The following BICRA variants were observed in gnomAD, a reference collection of about 807,000 sequenced individuals.
The protein encoded by BICRA is BRD4 interacting chromatin remodeling complex associated protein.
BICRA carries 31 observed loss-of-function variants against 96.9 expected under a neutral mutation model. That is an observed-to-expected ratio of 0.32 (90% CI 0.24 to 0.43). The LOEUF (loss-of-function observed/expected upper bound fraction) is 0.43, where lower values mean the gene tolerates loss of function less well. BICRA is among the 20% of genes least tolerant of loss of function. The pLI, the probability that BICRA is intolerant of heterozygous loss-of-function variation, is 1.00. For synonymous variants in BICRA, 1,350 were observed against 1,071.8 expected, an observed-to-expected ratio of 1.26 and a Z score of -5.07; for missense variants, 2,283 against 2,190.3, an observed-to-expected ratio of 1.04 and a Z score of -0.84.
At chr19:47,631,014 T>G (rs933194945) in intron 1 of BICRA, among the ~76,000 whole-genome samples, 1 of 152,186 alleles carries the variant, frequency 6.6e-6, no homozygotes, top group African/African-American at 2.4e-5. Flanking sequence ...TGCTCAAATG[T>G]CACGTGAAGC....
chr19:47,658,811 A>G (rs1972661467), intron 1 of BICRA, among the ~76,000 whole-genome samples: 1 of 152,020 alleles, frequency 6.6e-6, no homozygotes, highest in Admixed American at 6.6e-5. Flanking sequence ...GTGGTCTACA[A>G]ACCCGTGCGC....
At chr19:47,696,293 A>T (rs1973340993) in intron 10 of BICRA, among the ~76,000 whole-genome samples, 158 bp from the exon 11 acceptor site, 1 of 152,126 alleles carries the variant, frequency 6.6e-6, no homozygotes, top group South Asian at 2.1e-4. Flanking sequence ...CCTGGGGTTC[A>T]TTGTGATGGG....
intron 7 of BICRA, among the ~76,000 whole-genome samples, chr19:47,683,890 C>CT (rs1973105325): frequency 6.6e-6 from 1 of 152,152 alleles, no homozygotes; most frequent in African/African-American, 2.4e-5. Context: ...GGCCTACCTT[C>CT]TTATTCTAGA....
In BICRA at chr19:47,695,039, C is replaced by A; in HGVS notation, c.3035C>A (p.Ala1012Asp). Reference protein sequence around the residue: ...SGQAPSGTPTAPSHAPAPAPM... With the variant: ...SGQAPSGTPTDPSHAPAPAPM... ...CAGGCCCCATCTGGGACCCCCACTG[C>A]CCCCAGCCACGCCCCCGCCCCGGCA... is the stretch of plus-strand genomic sequence containing the variant. The change falls in exon 9 of 15, where the codon GCC (alanine) becomes GAC (aspartate). Residue 1012 changes from alanine to aspartate, a missense_variant. By Grantham distance (126) the Ala-to-Asp change is moderately radical. Transcript: ENST00000594866. 2.7e-6 allele frequency: 4 copies of A among 1,498,762 alleles called. No individual in the cohort carries two copies. The highest frequency in any genetic ancestry group is 3.5e-6 in the Non-Finnish European group (4 of 1,133,512). The allele number at this position is 1,498,762 out of a possible 1,614,324, so 92.8% of individuals were successfully genotyped here. A position where few individuals can be genotyped will look rare whatever the true frequency, so the allele number is the denominator to read the frequency against.
chr19:47,650,297 A>G (rs1972522749), intron 1 of BICRA, among the ~76,000 whole-genome samples: 1 of 151,986 alleles, frequency 6.6e-6, no homozygotes, highest in Non-Finnish European at 1.5e-5. Context: ...CACCCCGGCT[A>G]ATTTTTTGTA....
At position 47,698,816 on chromosome 19, in the gene BICRA, C is replaced by T; in HGVS notation, c.3397+34C>T. 1 of 1,538,054 alleles carries T rather than the reference C, an allele frequency of 6.5e-7. No homozygotes were observed. The highest frequency in any genetic ancestry group is 8.9e-7 in the Non-Finnish European group (1 of 1,129,586). ...TCCCCAGGACACGGCCCTATATGTC[C>T]CAGGGGACCCCAGCCCGTGGGGCGG... is the stretch of plus-strand genomic sequence containing the variant. On this transcript the variant is annotated intron_variant, in intron 12 of 14. Transcript: ENST00000594866. This position sits in a 1 kb window ranked among gnomAD's most constrained non-coding sequence, Gnocchi z 4.8.
chr19:47,684,590 G>T (rs1469044594), intron 7 of BICRA, among the ~76,000 whole-genome samples: 1 of 152,196 alleles, frequency 6.6e-6, no homozygotes, highest in African/African-American at 2.4e-5. Context: ...AGAGTGCTGG[G>T]ATGACAGGTG....
intron 1 of BICRA, among the ~76,000 whole-genome samples, chr19:47,627,738 G>C (rs573230555): frequency 6.6e-6 from 1 of 152,154 alleles, no homozygotes; most frequent in Non-Finnish European, 1.5e-5. Context: ...TGCCTACCGA[G>C]TAGGATGAGT....
chr19:47,640,363 C>G (rs1363053585), intron 1 of BICRA, among the ~76,000 whole-genome samples: 1 of 151,964 alleles, frequency 6.6e-6, no homozygotes, highest in Non-Finnish European at 1.5e-5. Flanking sequence ...AAAAATCTCT[C>G]TACTAAAAAT....
intron 1 of BICRA, among the ~76,000 whole-genome samples, chr19:47,634,831 C>T (rs902726917): frequency 2.1e-5 from 3 of 144,026 alleles, no homozygotes; most frequent in Admixed American, 7.1e-5. Flanking sequence ...GGCGCGATCT[C>T]GGCTCACTGC....
chr19:47,677,728 A>G (rs919980198), intron 5 of BICRA, among the ~76,000 whole-genome samples: 12 of 152,144 alleles, frequency 7.9e-5, no homozygotes, highest in Non-Finnish European at 1.8e-4. Flanking sequence ...AAAGCATTGA[A>G]CTCACAGTGC....
At chr19:47,655,333 C>G (rs1972598463) in intron 1 of BICRA, among the ~76,000 whole-genome samples, 1 of 151,536 alleles carries the variant, frequency 6.6e-6, no homozygotes, top group African/African-American at 2.4e-5. Context: ...CGAGACCAGC[C>G]TGGCCAACAT....
chr19:47,702,305 C>G lies in BICRA; in HGVS notation c.4573C>G (p.His1525Asp), dbSNP rs769722568. 6 of 1,580,622 alleles carry G rather than the reference C, an allele frequency of 3.8e-6. No homozygotes were observed. Among genetic ancestry groups the G allele is most frequent in the Middle Eastern group, 1.8e-4 (1 of 5,552 alleles). ...PGRTPAPSYPHAASAGTPASP... is the reference protein window; with the variant it reads ...PGRTPAPSYPDAASAGTPASP... ...CCGGACGCCCGCGCCCTCGTACCCC[C>G]ACGCTGCCTCGGCCGGCACCCCCGC... The change falls in exon 15 of 15, where the codon CAC (histidine) becomes GAC (aspartate). Residue 1525 changes from histidine (H) to aspartate (D), a missense_variant. His to Asp is a moderately conservative substitution (Grantham distance 81). Coordinates refer to ENST00000594866, the MANE Select transcript of BICRA (RefSeq NM_001394372.1).
Position 47,681,256 on chromosome 19 carries a change from C to T in BICRA, c.2086C>T (p.Leu696=), listed in dbSNP as rs763397257. 9.7e-6 allele frequency: 15 copies of T among 1,539,912 alleles called. No homozygotes were observed. Among genetic ancestry groups the T allele is most frequent in the African/African-American group, 9.5e-5 (7 of 73,488 alleles). The change falls in exon 6 of 15, where the codon CTG becomes TTG. Residue 696 remains leucine, a synonymous_variant. Transcript: ENST00000594866. Reference sequence around the variant, plus strand: ...CACGGCCATCCTCACTCAGGACTCCCTGCAGATGTTCCTGCCCCAGGTAAG... The same window carrying T: ...CACGGCCATCCTCACTCAGGACTCCTTGCAGATGTTCCTGCCCCAGGTAAG... ...TPTAILTQDS[L]QMFLPQERSQ... is the part of the protein sequence containing the mutation.
intron 1 of BICRA, among the ~76,000 whole-genome samples, chr19:47,653,848 T>C (rs1029299704): frequency 2.0e-5 from 3 of 152,220 alleles, no homozygotes; most frequent in African/African-American, 7.2e-5. Context: ...TTTTGTTTTT[T>C]TGAAACTGAG....
chr19:47,680,577 G>A lies in BICRA; in HGVS notation c.1407G>A (p.Gln469=). The A allele has an allele frequency of 6.2e-7, 1 of 1,606,510 alleles. No homozygotes were observed. Reference sequence around the variant, plus strand: ...CCGCCCAGCACATGCTGCCGGGCCAGAACCAGTTCCTACTGCCTGGCGCCC... The same window carrying A: ...CCGCCCAGCACATGCTGCCGGGCCAAAACCAGTTCCTACTGCCTGGCGCCC... ...VIPAQHMLPG[Q]NQFLLPGAPA... Residue 469 remains glutamine (Q), a synonymous_variant, in exon 6 of 15, where the codon CAG becomes CAA. Coordinates refer to ENST00000594866, the MANE Select transcript of BICRA (RefSeq NM_001394372.1).
In BICRA at chr19:47,655,564, C is replaced by T. The variant is rs534082796; in HGVS notation, c.-107-14879C>T. On this transcript the variant is annotated intron_variant, in intron 1 of 14. Coordinates refer to ENST00000594866, the MANE Select transcript of BICRA (RefSeq NM_001394372.1). ...AAAAAAAAAATTAGTAAAATGTCCC[C>T]GGTTTAGGACAGGTGCAGTGGCTCA... Among the ~76,000 whole-genome samples the T allele has an allele frequency of 5.3e-5, 8 of 149,962 alleles. 1 individual carries two copies. The highest frequency in any genetic ancestry group is 2.1e-4 in the South Asian group (1 of 4,730).
chr19:47,641,047 C>T (rs910933067), intron 1 of BICRA, among the ~76,000 whole-genome samples: 26 of 150,466 alleles, frequency 1.7e-4, no homozygotes, highest in African/African-American at 5.4e-4. Context: ...ACTACAGGCA[C>T]CCACCACCAC....
chr19:47,659,628 C>G (rs1422009293), intron 1 of BICRA, among the ~76,000 whole-genome samples: 2 of 151,472 alleles, frequency 1.3e-5, no homozygotes, highest in Admixed American at 1.3e-4. Context: ...CCACTTGCCC[C>G]TTTGTCTGGA....
Sources: gnomAD v4.1 joint callset for allele counts (sites outside exome capture counted in the v4.1 genomes callset) on GRCh38, gnomAD v4.1.1 for gene constraint, Gnocchi (gnomAD v3.1) non-coding constraint, MANE v1.5 for transcripts, NCBI Gene and HGNC (gene_info 2026-07-23, HGNC 2026-07-21) for gene names.